The following FBXL7 variants were observed in gnomAD, a reference collection of about 807,000 sequenced individuals.
FBXL7 encodes F-box/LRR-repeat protein 7.
Under a neutral mutation model 38.3 loss-of-function variants are expected in FBXL7, and 12 were observed. The ratio of observed to expected loss-of-function variants is 0.31; its 90% confidence interval spans 0.20 to 0.51. FBXL7 has a LOEUF of 0.51. Among genes scored for constraint, FBXL7 ranks in the 20% least tolerant of loss-of-function variants. FBXL7 has a pLI of 0.98. For synonymous variants in FBXL7, 297 were observed against 300.9 expected (o/e 0.99, Z 0.13); for missense variants, 567 against 676.4 (o/e 0.84, Z 1.79).
chr5:15,779,078 C>A (rs1448954223), intron 2 of FBXL7, among the ~76,000 whole-genome samples: 1 of 151,948 alleles, frequency 6.6e-6, no homozygotes, highest in Non-Finnish European at 1.5e-5. Flanking sequence ...ATGGGTATTT[C>A]ATCTTGAGCA....
At chr5:15,517,088 G>A (rs1736962644) in intron 1 of FBXL7, among the ~76,000 whole-genome samples, 1 of 151,330 alleles carries the variant, frequency 6.6e-6, no homozygotes, top group African/African-American at 2.4e-5. Flanking sequence ...GTGCAGTGGC[G>A]GGATCTCGGC....
chr5:15,754,340 T>C (rs1006297646), intron 2 of FBXL7, among the ~76,000 whole-genome samples: 2 of 152,198 alleles, frequency 1.3e-5, no homozygotes, highest in Non-Finnish European at 2.9e-5. Flanking sequence ...TAGAGTCATA[T>C]GGTTTTAGGA....
rs57825713 is a variant in FBXL7, at chr5:15,830,485, A to AACAC, written c.128-97368_128-97365dup. ...GGCGACAGAGTGAGACTCCATCTAA[A>AACAC]ACACACACACACACACACACACACA... On this transcript the variant is annotated intron_variant, in intron 2 of 3. Coordinates refer to ENST00000504595, the MANE Select transcript of FBXL7 (RefSeq NM_012304.5). Among the ~76,000 whole-genome samples, 873 of 144,276 alleles carry AACAC rather than the reference A, an allele frequency of 6.1e-3. 7 individuals are homozygous for AACAC. Among genetic ancestry groups the AACAC allele is most frequent in the African/African-American group, 0.018 (711 of 38,748 alleles). 94.7% of individuals were successfully genotyped at this position (144,276 alleles called of 152,430 possible). A position where few individuals can be genotyped will look rare whatever the true frequency, so the allele number is the denominator to read the frequency against.
At chr5:15,805,915 T>C (rs1737699785) in intron 2 of FBXL7, among the ~76,000 whole-genome samples, 1 of 152,228 alleles carries the variant, frequency 6.6e-6, no homozygotes. Context: ...TTATCTTCTT[T>C]TCTCAGGCTA....
intron 1 of FBXL7, among the ~76,000 whole-genome samples, chr5:15,590,196 G>C (rs1293609126): frequency 6.6e-6 from 1 of 152,038 alleles, no homozygotes; most frequent in African/African-American, 2.4e-5. Context: ...AATCATCCTA[G>C]GTGCCACCTG....
At chr5:15,547,244 T>G (rs750222016) in intron 1 of FBXL7, among the ~76,000 whole-genome samples, 9 of 152,198 alleles carry the variant, frequency 5.9e-5, no homozygotes, top group Admixed American at 2.6e-4. Flanking sequence ...TTTGCAATCT[T>G]GGGGATACCC....
chr5:15,820,405 CCT>C lies in FBXL7; in HGVS notation c.128-107484_128-107483del, dbSNP rs1257397962. 3.9e-5 allele frequency among the ~76,000 whole-genome samples: 6 copies of C among 152,232 alleles called. No homozygotes were observed. The East Asian group carries it at 1.2e-3, about 30-fold the overall frequency. On this transcript the variant is annotated intron_variant, in intron 2 of 3. Coordinates refer to ENST00000504595, the MANE Select transcript of FBXL7 (RefSeq NM_012304.5). ...CCCAAGAGGGCTCTGTTAATTCTCC[CCT>C]GTCTTACCCCGCCTTTCACTGGCCT... is the stretch of plus-strand genomic sequence containing the variant.
intron 2 of FBXL7, among the ~76,000 whole-genome samples, chr5:15,693,809 C>T (rs36005527): frequency 0.012 from 1,821 of 152,216 alleles, 9 homozygotes; most frequent in Admixed American, 0.02. Context: ...CTGAGCAGCC[C>T]GACTCCAGGG....
chr5:15,654,911 G>T (rs1279628006), intron 2 of FBXL7, among the ~76,000 whole-genome samples: 1 of 152,162 alleles, frequency 6.6e-6, no homozygotes, highest in Non-Finnish European at 1.5e-5. Context: ...GTTGAAAATT[G>T]TGAATATTCA....
At chr5:15,722,405 C>T (rs987806502) in intron 2 of FBXL7, among the ~76,000 whole-genome samples, 3 of 152,152 alleles carry the variant, frequency 2.0e-5, no homozygotes, top group African/African-American at 7.2e-5. Flanking sequence ...CACGTCCAGG[C>T]TCCACCCTCC....
At chr5:15,556,709 A>G (rs186744069) in intron 1 of FBXL7, among the ~76,000 whole-genome samples, 2 of 152,272 alleles carry the variant, frequency 1.3e-5, no homozygotes, top group East Asian at 1.9e-4. Context: ...TTCATCTTCT[A>G]TTTGCATGAC....
chr5:15,792,935 C>T lies in FBXL7; in HGVS notation c.128-134955C>T, dbSNP rs529213348. ...TAGCTGGATGACAAAAGGGAAGAAT[C>T]GAGGAGAGGGGGAGTCAGACCAGGA... On this transcript the variant is annotated intron_variant, in intron 2 of 3. Transcript: ENST00000504595. 3.7e-4 allele frequency among the ~76,000 whole-genome samples: 57 copies of T among 152,250 alleles called. 1 individual carries two copies. The South Asian group carries it at 9.8e-3, about 26-fold the overall frequency.
At chr5:15,804,783 T>C (rs1017310868) in intron 2 of FBXL7, among the ~76,000 whole-genome samples, 1 of 152,146 alleles carries the variant, frequency 6.6e-6, no homozygotes, top group Non-Finnish European at 1.5e-5. Context: ...GTATTTCTTA[T>C]GAAAATCTAA....
chr5:15,768,560 C>T (rs1736651430), intron 2 of FBXL7, among the ~76,000 whole-genome samples: 1 of 151,856 alleles, frequency 6.6e-6, no homozygotes, highest in Admixed American at 6.6e-5. Context: ...AAGAGTAACA[C>T]TGCCACTGAT....
At chr5:15,687,584 T>G (rs1176507823) in intron 2 of FBXL7, among the ~76,000 whole-genome samples, 2 of 152,180 alleles carry the variant, frequency 1.3e-5, no homozygotes, top group African/African-American at 4.8e-5. Flanking sequence ...ATAACTACCA[T>G]TGTTCTCAAC....
chr5:15,777,604 G>A (rs1334153910), intron 2 of FBXL7, among the ~76,000 whole-genome samples: 1 of 150,122 alleles, frequency 6.7e-6, no homozygotes, highest in Non-Finnish European at 1.5e-5. Flanking sequence ...CAGTGAAAGA[G>A]AAGTTGAATC....
Position 15,804,336 on chromosome 5 carries a change from G to A in FBXL7, c.128-123554G>A, listed in dbSNP as rs540432672. Among the ~76,000 whole-genome samples the A allele has an allele frequency of 2.1e-3, 322 of 152,108 alleles. 1 individual carries two copies. The highest frequency in any genetic ancestry group is 3.6e-3 in the Non-Finnish European group (248 of 67,998). On this transcript the variant is annotated intron_variant, in intron 2 of 3. Coordinates refer to ENST00000504595, the MANE Select transcript of FBXL7 (RefSeq NM_012304.5). ...ATTTAAGAACTAGCCAGGCATGGTG[G>A]CATACAACTATAGTCCCAGCTACTC...
At chr5:15,503,039 A>C (rs1276407356) in intron 1 of FBXL7, among the ~76,000 whole-genome samples, 1 of 152,122 alleles carries the variant, frequency 6.6e-6, no homozygotes, top group East Asian at 1.9e-4. Flanking sequence ...CTTGAGAAGT[A>C]CTCTGTACTT....
chr5:15,914,105 G>A (rs543890965), intron 2 of FBXL7, among the ~76,000 whole-genome samples: 31 of 152,296 alleles, frequency 2.0e-4, no homozygotes, highest in Admixed American at 9.2e-4. Context: ...GCAGGGGGCC[G>A]GGCGGGCGTG....
Sources: allele counts gnomAD v4.1 joint callset (sites outside exome capture counted in the v4.1 genomes callset), GRCh38; gene constraint gnomAD v4.1.1; transcripts MANE v1.5; gene names NCBI Gene and HGNC (gene_info 2026-07-23, HGNC 2026-07-21).